The following TBC1D32 variants were observed in gnomAD, a reference collection of about 807,000 sequenced individuals.
The protein encoded by TBC1D32 is TBC1 domain family member 32, also known as protein broad-minded.
A neutral mutation model predicts 170.3 loss-of-function variants in TBC1D32; 151 were observed. The ratio of observed to expected loss-of-function variants is 0.89; its 90% confidence interval spans 0.78 to 1.01. The LOEUF (loss-of-function observed/expected upper bound fraction) is 1.01. Among genes scored for constraint, TBC1D32 ranks in the 50% least tolerant of loss-of-function variants. TBC1D32 has a pLI of 0.00. For missense variants in TBC1D32, 1,464 were observed against 1,457.1 expected (o/e 1.00, Z -0.08); for synonymous variants, 498 against 488.0 (o/e 1.02, Z -0.27).
At chr6:121,132,698 A>G (rs1781573397) in intron 24 of TBC1D32, among the ~76,000 whole-genome samples, 1 of 152,010 alleles carries the variant, frequency 6.6e-6, no homozygotes, top group South Asian at 2.1e-4. Context: ...TAATGAATAG[A>G]GCTAAAGAAA....
At chr6:121,271,669 A>G (rs1177604332) in intron 15 of TBC1D32, among the ~76,000 whole-genome samples, 3 of 152,180 alleles carry the variant, frequency 2.0e-5, no homozygotes, top group Admixed American at 1.3e-4. Context: ...AATCAATATC[A>G]TGAAAATGGC....
chr6:121,310,765 T>C lies in TBC1D32; in HGVS notation c.564+14A>G, dbSNP rs763512625. 10 of 1,492,804 alleles carry C rather than the reference T, an allele frequency of 6.7e-6. No individual in the cohort carries two copies. In the South Asian group the frequency reaches 1.2e-4, roughly 18 times the overall value. The allele number at this position is 1,492,804 out of a possible 1,614,324, so 92.5% of individuals were successfully genotyped here. A position where few individuals can be genotyped will look rare whatever the true frequency, so the allele number is the denominator to read the frequency against. On this transcript the variant is annotated intron_variant, in intron 4 of 31. Coordinates refer to ENST00000398212, the MANE Select transcript of TBC1D32 (RefSeq NM_152730.6). ...GTTATCTGCATGAACTTGACAGCTA[T>C]CCTTGAAACTTACCTCTTTAGGTTG...
At chr6:121,135,928 CA>C (rs1782008144) in intron 24 of TBC1D32, among the ~76,000 whole-genome samples, 1 of 152,080 alleles carries the variant, frequency 6.6e-6, no homozygotes, top group Admixed American at 6.6e-5. Flanking sequence ...AGCTGATCCA[CA>C]AGCAACTTAG....
chr6:121,328,650 T>A (rs1426752874), intron 1 of TBC1D32, among the ~76,000 whole-genome samples: 2 of 152,212 alleles, frequency 1.3e-5, no homozygotes, highest in Non-Finnish European at 2.9e-5. Context: ...CTTCTTTTAA[T>A]AATCTGTGAA....
intron 21 of TBC1D32, among the ~76,000 whole-genome samples, chr6:121,209,567 A>C (rs942640787): frequency 2.6e-5 from 4 of 152,096 alleles, no homozygotes; most frequent in African/African-American, 9.7e-5. Flanking sequence ...TACAAGTGGT[A>C]TTATGTGGTA....
intron 15 of TBC1D32, among the ~76,000 whole-genome samples, chr6:121,266,307 T>C (rs1800473263): frequency 1.3e-5 from 2 of 151,890 alleles, no homozygotes; most frequent in South Asian, 2.1e-4. Flanking sequence ...AACAAACCTA[T>C]GAAAAAAAGC....
intron 21 of TBC1D32, among the ~76,000 whole-genome samples, chr6:121,211,473 C>G (rs777125678): frequency 6.6e-6 from 1 of 152,110 alleles, no homozygotes; most frequent in Non-Finnish European, 1.5e-5. Context: ...CTCTCCTATC[C>G]TTTCCCATTG....
intron 30 of TBC1D32, among the ~76,000 whole-genome samples, chr6:121,094,402 A>C (rs955994530): frequency 1.3e-5 from 2 of 151,960 alleles, no homozygotes; most frequent in South Asian, 4.1e-4. Context: ...CCTGACCTCA[A>C]GTGATCCATC....
chr6:121,304,998 A>G (rs1229873517), intron 5 of TBC1D32, among the ~76,000 whole-genome samples, 165 bp from the exon 6 acceptor site: 6 of 152,118 alleles, frequency 3.9e-5, no homozygotes, highest in Non-Finnish European at 5.9e-5. Context: ...ACTCTGTGTC[A>G]GCAAAAATTA....
intron 3 of TBC1D32, among the ~76,000 whole-genome samples, chr6:121,312,124 A>T (rs1808302774): frequency 6.6e-6 from 1 of 152,166 alleles, no homozygotes; most frequent in Non-Finnish European, 1.5e-5. Flanking sequence ...CTTCTCACTC[A>T]TAAGTGGGAG....
At chr6:121,228,380 T>C (rs1290893612) in intron 20 of TBC1D32, among the ~76,000 whole-genome samples, 1 of 152,124 alleles carries the variant, frequency 6.6e-6, no homozygotes, top group Non-Finnish European at 1.5e-5. Context: ...TAGATCCTTC[T>C]TATTTTCTAA....
chr6:121,145,141 A>C (rs1238240877), intron 24 of TBC1D32, among the ~76,000 whole-genome samples: 1 of 152,178 alleles, frequency 6.6e-6, no homozygotes, highest in Non-Finnish European at 1.5e-5. Context: ...GGCAGGCCAG[A>C]AGTGAGATTT....
intron 24 of TBC1D32, among the ~76,000 whole-genome samples, chr6:121,154,574 A>G (rs898190485): frequency 6.6e-6 from 1 of 152,204 alleles, no homozygotes; most frequent in South Asian, 2.1e-4. Context: ...TACATTTAAG[A>G]TCTCAAACTA....
At chr6:121,325,444 G>A (rs1052672863) in intron 1 of TBC1D32, among the ~76,000 whole-genome samples, 1 of 152,070 alleles carries the variant, frequency 6.6e-6, no homozygotes, top group Admixed American at 6.6e-5. Context: ...CAATGGAACA[G>A]AACAGAGGCC....
chr6:121,228,003 T>C (rs1167414499), intron 20 of TBC1D32, among the ~76,000 whole-genome samples: 1 of 152,140 alleles, frequency 6.6e-6, no homozygotes, highest in Non-Finnish European at 1.5e-5. Context: ...TGAGTCAGTT[T>C]TGGTAACCCT....
chr6:121,225,436 G>T (rs1794951978), intron 20 of TBC1D32, among the ~76,000 whole-genome samples: 1 of 151,776 alleles, frequency 6.6e-6, no homozygotes, highest in Non-Finnish European at 1.5e-5. Flanking sequence ...AATCATAAAA[G>T]ATTACAAAAA....
At chr6:121,253,068 C>T (rs1798502393) in intron 17 of TBC1D32, among the ~76,000 whole-genome samples, 1 of 151,778 alleles carries the variant, frequency 6.6e-6, no homozygotes, top group African/African-American at 2.4e-5. Flanking sequence ...TGACTAAGAC[C>T]TCAAAAGCAA....
At chr6:121,191,553 G>T (rs1790036701) in intron 22 of TBC1D32, among the ~76,000 whole-genome samples, 1 of 147,080 alleles carries the variant, frequency 6.8e-6, no homozygotes, top group Non-Finnish European at 1.5e-5. Flanking sequence ...AGAATGAGCG[G>T]AGACTATAGG....
intron 10 of TBC1D32, among the ~76,000 whole-genome samples, chr6:121,296,213 A>G (rs1001299365): frequency 2.0e-4 from 30 of 152,186 alleles, no homozygotes; most frequent in African/African-American, 6.3e-4. Flanking sequence ...CATATCTTCC[A>G]TACTTCACTC....
Sources: gnomAD v4.1 joint callset for allele counts (sites outside exome capture counted in the v4.1 genomes callset) on GRCh38, gnomAD v4.1.1 for gene constraint, MANE v1.5 for transcripts, NCBI Gene and HGNC (gene_info 2026-07-23, HGNC 2026-07-21) for gene names.